The following ESYT3 variants were observed in gnomAD, a reference collection of about 807,000 sequenced individuals.
ESYT3 encodes extended synaptotagmin-3.
In ESYT3, 101 loss-of-function variants were observed where a neutral mutation model predicts 111.5. The ratio of observed to expected loss-of-function variants is 0.91; its 90% CI spans 0.77 to 1.07. ESYT3 has a LOEUF of 1.07. ESYT3 is among the 50% of genes least tolerant of loss of function. The pLI is 0.00. For synonymous variants in ESYT3, 416 were observed against 446.8 expected, an observed-to-expected ratio of 0.93 and a Z score of 0.87; for missense variants, 1,097 against 1,109.4, an observed-to-expected ratio of 0.99 and a Z score of 0.16.
intron 1 of ESYT3, among the ~76,000 whole-genome samples, chr3:138,446,690 G>A (rs781732584): frequency 6.6e-6 from 1 of 152,106 alleles, no homozygotes; most frequent in Non-Finnish European, 1.5e-5. Context: ...AGGAGTTCAC[G>A]ACCAGCATGG....
At chr3:138,448,149 C>T (rs1197788159) in intron 1 of ESYT3, among the ~76,000 whole-genome samples, 5 of 151,534 alleles carry the variant, frequency 3.3e-5, no homozygotes, top group Admixed American at 3.3e-4. Flanking sequence ...TGCCTGTAAT[C>T]CCAGCTACTC....
chr3:138,474,108 C>T, intron 19 of ESYT3, 113 bp from the exon 20 acceptor site: 1 of 1,393,226 alleles, frequency 7.2e-7, no homozygotes, highest in South Asian at 1.3e-5. Flanking sequence ...ATATAGCCTT[C>T]TCTCAAATGT....
intron 5 of ESYT3, 44 bp from the exon 6 acceptor site, chr3:138,459,901 G>A: frequency 6.4e-7 from 1 of 1,567,860 alleles, no homozygotes; most frequent in Non-Finnish European, 8.8e-7. Flanking sequence ...GGCATGGGGA[G>A]AAAGTAGGCC....
At position 138,447,376 on chromosome 3, in the gene ESYT3, C is replaced by A. The variant is rs970990567; in HGVS notation, c.328-4672C>A. Among the ~76,000 whole-genome samples, 10 of 152,162 alleles carry A rather than the reference C, an allele frequency of 6.6e-5. No homozygotes were observed. In the East Asian group the frequency reaches 1.4e-3, roughly 21 times the overall value. On this transcript the variant is annotated intron_variant, in intron 1 of 22. Coordinates refer to ENST00000389567, the MANE Select transcript of ESYT3 (RefSeq NM_031913.5). ...TATTAGAAAACAGCAAAAATATATACCTATTGAAATCTCACATGTCTAGAT... is the reference window on the plus strand; with the variant it reads ...TATTAGAAAACAGCAAAAATATATAACTATTGAAATCTCACATGTCTAGAT...
intron 9 of ESYT3, among the ~76,000 whole-genome samples, chr3:138,464,922 C>T (rs1443781642): frequency 6.6e-6 from 1 of 152,214 alleles, no homozygotes; most frequent in Non-Finnish European, 1.5e-5. Context: ...GGAGCCACAT[C>T]TTAGGTGACC....
intron 16 of ESYT3, chr3:138,470,620 A>G: frequency 7.2e-6 from 9 of 1,250,162 alleles, no homozygotes; most frequent in South Asian, 4.9e-5. Context: ...TCAGTCCCCA[A>G]AGCCCCCTGG....
rs2031286789 is a variant in ESYT3 at position 138,443,236 on chromosome 3, CCAGA to C, written c.327+8116_327+8119del. On this transcript the variant is annotated intron_variant, in intron 1 of 22. Transcript: ENST00000389567. ...AGGAGCTGTGGATTACAGAACAGTG[CCAGA>C]CAGATTTTCAAGTTGGCAAAGCAAT... Among the ~76,000 whole-genome samples the C allele has an allele frequency of 2.0e-5, 3 of 152,262 alleles. 1 individual carries two copies. The highest frequency in any genetic ancestry group is 7.2e-5 in the African/African-American group (3 of 41,532).
rs1471619400 is a variant in ESYT3 at position 138,479,830 on chromosome 3, G to A, written c.*2976G>A. The A allele has an allele frequency of 6.6e-6, 1 of 152,094 alleles. No individual in the cohort carries two copies. Among genetic ancestry groups the A allele is most frequent in the Non-Finnish European group, 1.5e-5 (1 of 68,010 alleles). 9.4% of individuals were successfully genotyped at this position (152,094 alleles called of 1,614,324 possible). A position where few individuals can be genotyped will look rare whatever the true frequency, so the allele number is the denominator to read the frequency against. On this transcript the variant is annotated 3_prime_UTR_variant, in exon 23 of 23. Coordinates refer to ENST00000389567, the MANE Select transcript of ESYT3 (RefSeq NM_031913.5). ...TTGTTCACTCTCCCTTACCCCTGGG[G>A]GTAAGGATCTGCATCCTGAAGTTGA...
rs867195767 is a variant in ESYT3 at position 138,434,813 on chromosome 3, G to T, written c.15G>T (p.Glu5Asp). Reference protein sequence around the residue: MRAEEPCAPGAPSAL... With the variant: MRAEDPCAPGAPSAL... ...GCGGCGACGAGATGCGAGCAGAGGAGCCCTGCGCCCCCGGGGCCCCCAGCG... is the reference window on the plus strand; with the variant it reads ...GCGGCGACGAGATGCGAGCAGAGGATCCCTGCGCCCCCGGGGCCCCCAGCG... The change falls in exon 1 of 23, where the codon GAG (glutamate) becomes GAT (aspartate). Residue 5 changes from glutamate to aspartate, a missense_variant. Transcript: ENST00000389567. The T allele has an allele frequency of 1.4e-5, 22 of 1,560,536 alleles. No individual in the cohort carries two copies. Among genetic ancestry groups the T allele is most frequent in the African/African-American group, 4.1e-5 (3 of 73,398 alleles).
chr3:138,450,194 G>A (rs1176598475), intron 1 of ESYT3, among the ~76,000 whole-genome samples: 1 of 152,214 alleles, frequency 6.6e-6, no homozygotes, highest in Non-Finnish European at 1.5e-5. Flanking sequence ...GAAAGGGACC[G>A]GTGGGAGTGG....
chr3:138,473,525 T>G lies in ESYT3; in HGVS notation c.2238-11T>G, dbSNP rs1470487878. ...TTATGGCGAGAGAAGTGATGGGCTC[T>G]TTCTTTACAGAGGTGGGGACCTCAG... On this transcript the variant is annotated splice_polypyrimidine_tract_variant and intron_variant, in intron 18 of 22. Transcript: ENST00000389567. 5 of 1,610,110 alleles carry G rather than the reference T, an allele frequency of 3.1e-6. No homozygotes were observed. The highest frequency in any genetic ancestry group is 2.2e-5 in the South Asian group (2 of 91,008).
rs746535804 is a variant in ESYT3, at chr3:138,472,640, A to G, written c.2018A>G (p.Lys673Arg). ...GPEPKGKDSA[K>R]RFCEPIGEKK... ...GAGCCTAAAGGCAAGGACAGTGCCA[A>G]AAGGTTCTGTGAGCCCATCGGGGAG... The change falls in exon 18 of 23, where the codon AAA (lysine) becomes AGA (arginine). Residue 673 changes from lysine (K) to arginine (R), a missense_variant. Coordinates refer to ENST00000389567, the MANE Select transcript of ESYT3 (RefSeq NM_031913.5). 4.3e-6 allele frequency: 7 copies of G among 1,614,210 alleles called. No homozygotes were observed. The East Asian group carries it at 1.3e-4, about 31-fold the overall frequency.
chr3:138,477,117 T>C lies in ESYT3; in HGVS notation c.*263T>C. 1 of 356,752 alleles carries C rather than the reference T, an allele frequency of 2.8e-6. No homozygotes were observed. Among genetic ancestry groups the C allele is most frequent in the Non-Finnish European group, 5.1e-6 (1 of 196,818 alleles). The allele number at this position is 356,752 out of a possible 1,614,324, so 22.1% of individuals were successfully genotyped here. On this transcript the variant is annotated 3_prime_UTR_variant, in exon 23 of 23. Transcript: ENST00000389567. The stretch of plus-strand genomic sequence containing the variant: ...CAGAAAGAAATGTTATATTTGTGCC[T>C]ACTAAATTATCCAAACCTCAGTGTT...
downstream of ESYT3, chr3:138,480,720 C>T (rs1429322405): frequency 6.6e-6 from 1 of 152,148 alleles, no homozygotes; most frequent in Non-Finnish European, 1.5e-5. Flanking sequence ...CCATTTCTCT[C>T]CAAATTAATT....
intron 3 of ESYT3, 84 bp from the exon 4 acceptor site, chr3:138,457,484 C>A: frequency 8.1e-7 from 1 of 1,232,068 alleles, no homozygotes; most frequent in South Asian, 1.2e-5. Context: ...TCGTTGCTGA[C>A]AAAGCCCAGT....
intron 3 of ESYT3, among the ~76,000 whole-genome samples, chr3:138,456,483 C>T (rs1416169502): frequency 6.6e-6 from 1 of 152,168 alleles, no homozygotes; most frequent in South Asian, 2.1e-4. Flanking sequence ...GTGTTCACAG[C>T]AGAGCCTGCT....
chr3:138,476,516 C>T (rs1175707462), intron 22 of ESYT3, 24 bp downstream of exon 22: 1 of 1,609,252 alleles, frequency 6.2e-7, no homozygotes, highest in African/African-American at 1.3e-5. Context: ...TTCATTTTAT[C>T]ACTGTTATCC....
At chr3:138,453,770 C>A (rs567396855) in intron 2 of ESYT3, among the ~76,000 whole-genome samples, 88 of 152,296 alleles carry the variant, frequency 5.8e-4, no homozygotes, top group African/African-American at 2.1e-3. Context: ...GCATGAATCC[C>A]CAGAAACCCA....
chr3:138,443,898 C>T (rs574737346), intron 1 of ESYT3, among the ~76,000 whole-genome samples: 1 of 152,262 alleles, frequency 6.6e-6, no homozygotes, highest in East Asian at 1.9e-4. Context: ...CTTGTCAAGG[C>T]CTCCCACCCC....
Sources: allele counts gnomAD v4.1 joint callset (sites outside exome capture counted in the v4.1 genomes callset), GRCh38; gene constraint gnomAD v4.1.1; transcripts MANE v1.5; gene names NCBI Gene and HGNC (gene_info 2026-07-23, HGNC 2026-07-21).